The following SEL1L variants were observed in gnomAD, a reference collection of about 807,000 sequenced individuals.
The protein encoded by SEL1L is protein sel-1 homolog 1.
A neutral mutation model predicts 109.8 loss-of-function variants in SEL1L; 52 were observed. The ratio of observed to expected loss-of-function variants is 0.47; its 90% CI spans 0.38 to 0.60. SEL1L has a LOEUF of 0.60. Among genes scored for constraint, SEL1L ranks in the 20% least tolerant of loss-of-function variants. The pLI, the probability that SEL1L is intolerant of heterozygous loss-of-function variation, is 0.00. For synonymous variants in SEL1L, 373 were observed against 339.6 expected, an observed-to-expected ratio of 1.10 and a Z score of -1.08; for missense variants, 749 against 962.2, an observed-to-expected ratio of 0.78 and a Z score of 2.93.
intron 3 of SEL1L, among the ~76,000 whole-genome samples, chr14:81,517,764 T>A (rs1446749903): frequency 1.3e-5 from 2 of 152,306 alleles, no homozygotes; most frequent in East Asian, 3.9e-4. Context: ...AGAGGAATAA[T>A]CCTGATCAGG....
chr14:81,507,153 G>C lies in SEL1L; in HGVS notation c.341-912C>G, dbSNP rs570079861. Among the ~76,000 whole-genome samples, 17 of 152,308 alleles carry C rather than the reference G, an allele frequency of 1.1e-4. No individual in the cohort carries two copies. The South Asian group carries it at 3.3e-3, about 30-fold the overall frequency. ...AAGCAGCATGAGGAAGACAGACTGG[G>C]GAAGACCTTACATGTCTTAAGGAGT... On this transcript the variant is annotated intron_variant, in intron 3 of 20. Coordinates refer to ENST00000336735, the MANE Select transcript of SEL1L (RefSeq NM_005065.6).
intron 3 of SEL1L, among the ~76,000 whole-genome samples, chr14:81,520,471 A>T (rs909659893): frequency 4.6e-5 from 7 of 152,214 alleles, no homozygotes; most frequent in Non-Finnish European, 8.8e-5. Flanking sequence ...TTATTATGAT[A>T]AAACAAAATA....
At chr14:81,479,006 G>A (rs892065597) in intron 20 of SEL1L, among the ~76,000 whole-genome samples, 2 of 152,102 alleles carry the variant, frequency 1.3e-5, no homozygotes, top group African/African-American at 4.8e-5. Flanking sequence ...CTATAGTACT[G>A]GAAACAAAAT....
intron 3 of SEL1L, among the ~76,000 whole-genome samples, chr14:81,514,955 T>A (rs1434296665): frequency 2.6e-5 from 4 of 152,138 alleles, no homozygotes; most frequent in Admixed American, 2.6e-4. Context: ...TGGAGTGAAA[T>A]ACCTTATGTC....
Position 81,502,853 on chromosome 14 carries a change from G to A in SEL1L, c.645C>T (p.Ser215=). 2 of 1,613,740 alleles carry A rather than the reference G, an allele frequency of 1.2e-6. No individual in the cohort carries two copies. The highest frequency in any genetic ancestry group is 1.7e-6 in the Non-Finnish European group (2 of 1,179,798). The change falls in exon 6 of 21, where the codon AGC becomes AGT. Residue 215 remains serine (S), a synonymous_variant. Transcript: ENST00000336735. Reference sequence around the variant, plus strand: ...TCTCCAGGGCTTTGGTATGGTTCATGCTTGCTGCCTTTTGGAGATACCGAT... The same window carrying A: ...TCTCCAGGGCTTTGGTATGGTTCATACTTGCTGCCTTTTGGAGATACCGAT... ...EAYRYLQKAA[S]MNHTKALERV...
intron 3 of SEL1L, among the ~76,000 whole-genome samples, chr14:81,510,514 C>CTCTCTCTCTCTCTATATATATATA (rs35474067): frequency 9.6e-6 from 1 of 104,052 alleles, no homozygotes; most frequent in African/African-American, 3.4e-5. Flanking sequence ...CTCTCTCTCT[C>CTCTCTCTCTCTCTATATATATATA]TATATATATA....
In SEL1L at chr14:81,474,833, TAAG is replaced by T. The variant is rs1566967560; in HGVS notation, c.*2136_*2138del. On this transcript the variant is annotated 3_prime_UTR_variant, in exon 21 of 21. Transcript: ENST00000336735. Reference sequence around the variant, plus strand: ...TAGAAAAAGGCAAGTGGTAAACTAATAAGAAGTGTGTTTTTATATGAACAACAA... The same window carrying T: ...TAGAAAAAGGCAAGTGGTAAACTAATAAGTGTGTTTTTATATGAACAACAA... 1.3e-5 allele frequency: 2 copies of T among 152,202 alleles called. No individual in the cohort carries two copies. The highest frequency in any genetic ancestry group is 6.5e-5 in the Admixed American group (1 of 15,284). The allele number at this position is 152,202 out of a possible 1,614,324, so 9.4% of individuals were successfully genotyped here.
intron 1 of SEL1L, among the ~76,000 whole-genome samples, chr14:81,532,196 C>G (rs1461232357): frequency 6.6e-6 from 1 of 152,198 alleles, no homozygotes; most frequent in African/African-American, 2.4e-5. Context: ...TCTTTAAACT[C>G]TGCCAATTAA....
chr14:81,519,280 C>T (rs1330061801), intron 3 of SEL1L, among the ~76,000 whole-genome samples: 1 of 152,186 alleles, frequency 6.6e-6, no homozygotes, highest in Non-Finnish European at 1.5e-5. Context: ...CCATACTTTT[C>T]CTTTGCTGAT....
Position 81,487,839 on chromosome 14 carries a change from T to C in SEL1L, c.1483+16A>G. ...TAGATCTTGGTGTATCCATCATTAATTCCAGTGTTACTTACTATAGTACAT... is the reference window on the plus strand; with the variant it reads ...TAGATCTTGGTGTATCCATCATTAACTCCAGTGTTACTTACTATAGTACAT... On this transcript the variant is annotated intron_variant, in intron 15 of 20. Coordinates refer to ENST00000336735, the MANE Select transcript of SEL1L (RefSeq NM_005065.6). 1.9e-6 allele frequency: 3 copies of C among 1,612,594 alleles called. No individual in the cohort carries two copies. Among genetic ancestry groups the C allele is most frequent in the Non-Finnish European group, 2.5e-6 (3 of 1,179,470 alleles).
chr14:81,489,369 CAAGAATA>C, intron 13 of SEL1L, 55 bp from the exon 14 acceptor site: 1 of 1,392,396 alleles, frequency 7.2e-7, no homozygotes, highest in South Asian at 1.2e-5. Flanking sequence ...CAAAAATAGG[CAAGAATA>C]AATAACTGCA....
intron 4 of SEL1L, among the ~76,000 whole-genome samples, chr14:81,505,289 G>C (rs1884195091): frequency 6.6e-6 from 1 of 151,998 alleles, no homozygotes; most frequent in Non-Finnish European, 1.5e-5. Flanking sequence ...GAAAATCATA[G>C]AACTGTTATA....
At chr14:81,507,598 C>G (rs1387699510) in intron 3 of SEL1L, among the ~76,000 whole-genome samples, 1 of 145,586 alleles carries the variant, frequency 6.9e-6, no homozygotes, top group African/African-American at 2.7e-5. Context: ...AAAAAACCCA[C>G]ACAAAAAAAA....
At chr14:81,511,100 G>A (rs1884460061) in intron 3 of SEL1L, among the ~76,000 whole-genome samples, 1 of 152,194 alleles carries the variant, frequency 6.6e-6, no homozygotes, top group African/African-American at 2.4e-5. Context: ...GCTACAGACT[G>A]CTTTCACCAA....
chr14:81,474,156 TTTGA>T lies in SEL1L; in HGVS notation c.*2812_*2815del, dbSNP rs1903087847. The T allele has an allele frequency of 6.6e-6, 1 of 151,964 alleles. No individual in the cohort carries two copies. Among genetic ancestry groups the T allele is most frequent in the Non-Finnish European group, 1.5e-5 (1 of 67,974 alleles). The allele number at this position is 151,964 out of a possible 1,614,324, so 9.4% of individuals were successfully genotyped here. On this transcript the variant is annotated 3_prime_UTR_variant, in exon 21 of 21. Transcript: ENST00000336735. ...CAATACATTTTGAAAAGAAGTCATC[TTTGA>T]TTTACTTTTTCTTTGCCATTGACTG...
At chr14:81,509,236 T>G (rs1286183195) in intron 3 of SEL1L, among the ~76,000 whole-genome samples, 1 of 152,244 alleles carries the variant, frequency 6.6e-6, no homozygotes, top group Non-Finnish European at 1.5e-5. Context: ...TCAGTTAATT[T>G]TCTTTCTATG....
Position 81,498,422 on chromosome 14 carries a change from C to A in SEL1L, c.964G>T (p.Ala322Ser). ...GGGGAAACATAGATACCATGATTGGCAACAAGACGATAGTGAGTCAGGGCA... is the reference window on the plus strand; with the variant it reads ...GGGGAAACATAGATACCATGATTGGAAACAAGACGATAGTGAGTCAGGGCA... ...ESALTHYRLV[A>S]NHVASDISLT... Residue 322 changes from alanine (A) to serine (S), a missense_variant, in exon 9 of 21, where the codon GCC becomes TCC. Coordinates refer to ENST00000336735, the MANE Select transcript of SEL1L (RefSeq NM_005065.6). The A allele has an allele frequency of 1.2e-6, 2 of 1,613,008 alleles. No homozygotes were observed. Among genetic ancestry groups the A allele is most frequent in the Non-Finnish European group, 1.7e-6 (2 of 1,179,404 alleles).
In SEL1L at chr14:81,482,034, G is replaced by GAA. The variant is rs34538691; in HGVS notation, c.2046+2189_2046+2190dup. On this transcript the variant is annotated intron_variant, in intron 19 of 20. Coordinates refer to ENST00000336735, the MANE Select transcript of SEL1L (RefSeq NM_005065.6). Reference sequence around the variant, plus strand: ...CAACAGAGTGAGACTCCATCTCACCGAAAAAAAAAAAAAGTAATGGAGTTA... The same window carrying GAA: ...CAACAGAGTGAGACTCCATCTCACCGAAAAAAAAAAAAAAAGTAATGGAGTTA... Among the ~76,000 whole-genome samples the GAA allele has an allele frequency of 4.5e-3, 616 of 137,834 alleles. 5 individuals carry two copies. Among genetic ancestry groups the GAA allele is most frequent in the African/African-American group, 0.016 (597 of 37,692 alleles). The allele number at this position is 137,834 out of a possible 152,430, so 90.4% of individuals were successfully genotyped here. A position where few individuals can be genotyped will look rare whatever the true frequency, so the allele number is the denominator to read the frequency against.
At chr14:81,483,520 G>A (rs906442055) in intron 19 of SEL1L, among the ~76,000 whole-genome samples, 5 of 152,112 alleles carry the variant, frequency 3.3e-5, no homozygotes, top group South Asian at 2.1e-4. Flanking sequence ...AGAAGTCGTG[G>A]TAGAAAACAT....
Sources: gnomAD v4.1 joint callset for allele counts (sites outside exome capture counted in the v4.1 genomes callset) on GRCh38, gnomAD v4.1.1 for gene constraint, MANE v1.5 for transcripts, NCBI Gene and HGNC (gene_info 2026-07-23, HGNC 2026-07-21) for gene names.